Variants in MICU2 observed in about 807,000 individuals in gnomAD.
The protein encoded by MICU2 is calcium uptake protein 2, mitochondrial.
In MICU2, 64 loss-of-function variants were observed where a neutral mutation model predicts 60.4. The ratio of observed to expected loss-of-function variants is 1.06; its 90% CI spans 0.87 to 1.31. MICU2 has a LOEUF of 1.31. Ranked by LOEUF, MICU2 falls within the 50% of genes most tolerant of loss-of-function variation. The pLI is 0.00. For synonymous variants in MICU2, 201 were observed against 175.0 expected, an observed-to-expected ratio of 1.15 and a Z score of -1.17; for missense variants, 569 against 531.0, an observed-to-expected ratio of 1.07 and a Z score of -0.70.
At position 21,493,235 on chromosome 13, in the gene MICU2, T is replaced by A. The variant is rs777288396; in HGVS notation, c.*14A>T. ...ATTTGGAACAATATAATTGCCATACTATTATATCTTTTATTAAAAAAGACC... is the reference window on the plus strand; with the variant it reads ...ATTTGGAACAATATAATTGCCATACAATTATATCTTTTATTAAAAAAGACC... On this transcript the variant is annotated 3_prime_UTR_variant, in exon 12 of 12. Transcript: ENST00000382374. 2 of 1,524,672 alleles carry A rather than the reference T, an allele frequency of 1.3e-6. No homozygotes were observed. Among genetic ancestry groups the A allele is most frequent in the Non-Finnish European group, 1.8e-6 (2 of 1,114,630 alleles). 94.4% of individuals were successfully genotyped at this position (1,524,672 alleles called of 1,614,324 possible).
At chr13:21,550,276 A>T (rs1477061185) in intron 2 of MICU2, among the ~76,000 whole-genome samples, 1 of 152,168 alleles carries the variant, frequency 6.6e-6, no homozygotes, top group Non-Finnish European at 1.5e-5. Flanking sequence ...GGTGGCTCAC[A>T]CCTATAATCC....
At chr13:21,551,120 C>G (rs1197003734) in intron 2 of MICU2, among the ~76,000 whole-genome samples, 1 of 152,190 alleles carries the variant, frequency 6.6e-6, no homozygotes, top group Non-Finnish European at 1.5e-5. Context: ...CAGAACTGTT[C>G]CCTTGTGTAC....
At chr13:21,502,374 A>T (rs1285431698) in intron 9 of MICU2, among the ~76,000 whole-genome samples, 2 of 152,182 alleles carry the variant, frequency 1.3e-5, no homozygotes, top group Non-Finnish European at 2.9e-5. Context: ...AATAATTATT[A>T]ATAGCTTGGC....
At chr13:21,559,691 A>C (rs1887793905) in intron 2 of MICU2, among the ~76,000 whole-genome samples, 1 of 151,806 alleles carries the variant, frequency 6.6e-6, no homozygotes, top group Non-Finnish European at 1.5e-5. Flanking sequence ...TGCCTGGCTA[A>C]TTTTTCTATT....
intron 8 of MICU2, among the ~76,000 whole-genome samples, chr13:21,503,939 C>G (rs867430202): frequency 6.6e-6 from 1 of 152,258 alleles, no homozygotes; most frequent in Middle Eastern, 3.4e-3. Context: ...GAGGGACATT[C>G]CAGTTCAGTG....
At chr13:21,515,587 A>C (rs561441530) in intron 6 of MICU2, 2 of 435,922 alleles carry the variant, frequency 4.6e-6, no homozygotes, top group South Asian at 3.3e-5. Flanking sequence ...AATTTAAAAA[A>C]GAAAGCATTT....
intron 1 of MICU2, among the ~76,000 whole-genome samples, chr13:21,579,038 T>C (rs552979581): frequency 1.5e-4 from 23 of 152,330 alleles, no homozygotes; most frequent in African/African-American, 4.6e-4. Context: ...ATTAAGGTTT[T>C]AGTGGAGTTT....
chr13:21,585,587 A>G (rs1277243494), intron 1 of MICU2, among the ~76,000 whole-genome samples: 2 of 152,228 alleles, frequency 1.3e-5, no homozygotes, highest in African/African-American at 4.8e-5. Flanking sequence ...GACAGCTTGA[A>G]ATAAAAGAAA....
intron 1 of MICU2, among the ~76,000 whole-genome samples, chr13:21,576,158 T>A (rs543297765): frequency 6.6e-5 from 10 of 152,234 alleles, no homozygotes; most frequent in Non-Finnish European, 1.3e-4. Flanking sequence ...TTTGATTTCT[T>A]ACTTTTCACA....
At chr13:21,568,035 T>C (rs149992621) in intron 1 of MICU2, among the ~76,000 whole-genome samples, 1 of 152,344 alleles carries the variant, frequency 6.6e-6, no homozygotes, top group African/African-American at 2.4e-5. Flanking sequence ...GCTTTCATTC[T>C]GGATTGCTTT....
chr13:21,522,693 T>G (rs761418074), intron 4 of MICU2, 43 bp from the exon 5 acceptor site: 1 of 1,437,042 alleles, frequency 7.0e-7, no homozygotes, highest in Non-Finnish European at 9.6e-7. Flanking sequence ...CTTTAGATGG[T>G]TTAGAATATA....
At chr13:21,574,947 T>A (rs1039491151) in intron 1 of MICU2, among the ~76,000 whole-genome samples, 8 of 152,222 alleles carry the variant, frequency 5.3e-5, no homozygotes, top group African/African-American at 1.7e-4. Flanking sequence ...ATTCACTGCA[T>A]AAGCTATGCC....
Position 21,603,928 on chromosome 13 carries a change from TA to T in MICU2, c.210+10del. The T allele has an allele frequency of 3.1e-6, 5 of 1,611,442 alleles. No individual in the cohort carries two copies. Among genetic ancestry groups the T allele is most frequent in the Non-Finnish European group, 4.2e-6 (5 of 1,179,108 alleles). On this transcript the variant is annotated intron_variant, in intron 1 of 11. Coordinates refer to ENST00000382374, the MANE Select transcript of MICU2 (RefSeq NM_152726.3). Reference sequence around the variant, plus strand: ...CTTGACTGGGGCTAGCAGAAGGAGTTAGTCCTGTACCTGTGCGGAGACTGTA... The same window carrying T: ...CTTGACTGGGGCTAGCAGAAGGAGTTGTCCTGTACCTGTGCGGAGACTGTA...
intron 2 of MICU2, among the ~76,000 whole-genome samples, 161 bp from the exon 3 acceptor site, chr13:21,539,849 A>G (rs892815696): frequency 6.6e-6 from 1 of 152,242 alleles, no homozygotes; most frequent in African/African-American, 2.4e-5. Flanking sequence ...CATAATCATG[A>G]GTCAGAGAAT....
In MICU2 at chr13:21,532,556, ATTGT is replaced by A. The variant is rs1339404128; in HGVS notation, c.466+6742_466+6745del. ...AAACTCACCCCACTAGAATGATCTA[ATTGT>A]TTGCTTCCCCAGCTTAGGTGGTTCT... On this transcript the variant is annotated intron_variant, in intron 4 of 11. Transcript: ENST00000382374. 3.3e-5 allele frequency among the ~76,000 whole-genome samples: 5 copies of A among 152,156 alleles called. No homozygotes were observed. In the South Asian group the frequency reaches 1.0e-3, roughly 32 times the overall value.
At chr13:21,537,846 A>G (rs552751576) in intron 4 of MICU2, among the ~76,000 whole-genome samples, 24 of 152,178 alleles carry the variant, frequency 1.6e-4, no homozygotes, top group Middle Eastern at 6.8e-3. Flanking sequence ...CTTGCCAGTA[A>G]TTTGCAAATA....
chr13:21,522,631 C>T lies in MICU2; in HGVS notation c.486G>A (p.Glu162=), dbSNP rs755527605. The change falls in exon 5 of 12, where the codon GAG becomes GAA. Residue 162 remains glutamate, a synonymous_variant. Coordinates refer to ENST00000382374, the MANE Select transcript of MICU2 (RefSeq NM_152726.3). The part of the protein sequence containing the change: ...LGDKGLISYT[E]YLFLLTILTK... ...TGAGGATTGTAAGCAAGAAAAGATA[C>T]TCGGTATATGAAATTAGCCCTGAAA... 5 of 1,605,118 alleles carry T rather than the reference C, an allele frequency of 3.1e-6. No individual in the cohort carries two copies. The South Asian group carries it at 3.4e-5, about 11-fold the overall frequency.
At chr13:21,554,672 T>A (rs1378189993) in intron 2 of MICU2, among the ~76,000 whole-genome samples, 1 of 151,930 alleles carries the variant, frequency 6.6e-6, no homozygotes, top group Admixed American at 6.6e-5. Context: ...AGGCAAGAGA[T>A]CAGAGCAGAA....
At chr13:21,554,329 T>G (rs1484613327) in intron 2 of MICU2, among the ~76,000 whole-genome samples, 1 of 152,160 alleles carries the variant, frequency 6.6e-6, no homozygotes, top group Non-Finnish European at 1.5e-5. Context: ...TATAACAAAC[T>G]GTCTCTCAGA....
Sources: allele counts gnomAD v4.1 joint callset (sites outside exome capture counted in the v4.1 genomes callset), GRCh38; gene constraint gnomAD v4.1.1; transcripts MANE v1.5; gene names NCBI Gene and HGNC (gene_info 2026-07-23, HGNC 2026-07-21).